TBC1D5: variants seen among roughly 807,000 people sequenced by gnomAD.
TBC1D5 encodes the protein TBC1 domain family member 5, also known as TBC1 domain family, member 5.
TBC1D5 carries 75 observed loss-of-function variants against 100.3 expected under a neutral mutation model. The observed-to-expected ratio is 0.75, with a 90% CI of 0.62 to 0.91. The LOEUF is 0.91. Among genes scored for constraint, TBC1D5 ranks in the 40% least tolerant of loss-of-function variants. The probability of loss-of-function intolerance (pLI) is 0.00; values close to 1 mark genes in which losing one functional copy is unlikely to be tolerated. For synonymous variants in TBC1D5, 323 were observed against 325.6 expected (o/e 0.99, Z 0.09); for missense variants, 910 against 942.4 (o/e 0.97, Z 0.45).
At chr3:17,455,403 C>CAT (rs141847204) in intron 3 of TBC1D5, among the ~76,000 whole-genome samples, 10,950 of 144,098 alleles carry the variant, frequency 0.076, 842 homozygotes, top group African/African-American at 0.2. Flanking sequence ...TATACACACA[C>CAT]GTGTGTGTAT....
rs1043923133 is a variant in TBC1D5 at position 17,512,283 on chromosome 3, T to G, written c.-35-3678A>C. 5.3e-5 allele frequency among the ~76,000 whole-genome samples: 8 copies of G among 152,196 alleles called. No homozygotes were observed. The South Asian group carries it at 1.7e-3, about 32-fold the overall frequency. ...ATGAATAAATTTTTACCTGCAAATA[T>G]CAAACTATAAAAAATTAAGAGATTT... On this transcript the variant is annotated intron_variant, in intron 2 of 21. Transcript: ENST00000253692.
intron 2 of TBC1D5, among the ~76,000 whole-genome samples, chr3:17,545,638 T>C (rs933616080): frequency 1.4e-4 from 22 of 152,224 alleles, no homozygotes; most frequent in Non-Finnish European, 3.1e-4. Flanking sequence ...ACATGAATAT[T>C]CATTAGCCAC....
At chr3:17,380,313 A>G (rs926016077) in intron 9 of TBC1D5, among the ~76,000 whole-genome samples, 18 of 152,090 alleles carry the variant, frequency 1.2e-4, no homozygotes, top group African/African-American at 4.3e-4. Flanking sequence ...ACTATTTTAC[A>G]AGCTCAGTTT....
intron 1 of TBC1D5, among the ~76,000 whole-genome samples, chr3:17,710,329 C>T (rs1297903599): frequency 6.6e-6 from 1 of 151,980 alleles, no homozygotes; most frequent in African/African-American, 2.4e-5. Context: ...TTTTGGTTGG[C>T]GGAGGTGGGT....
At chr3:17,483,166 A>G (rs2095520326) in intron 3 of TBC1D5, among the ~76,000 whole-genome samples, 1 of 152,104 alleles carries the variant, frequency 6.6e-6, no homozygotes, top group African/African-American at 2.4e-5. Flanking sequence ...TAAGAACAGC[A>G]CCCCTCAGGC....
chr3:17,386,868 C>A lies in TBC1D5; in HGVS notation c.510-2853G>T, dbSNP rs998399303. Among the ~76,000 whole-genome samples the A allele has an allele frequency of 2.6e-5, 4 of 152,042 alleles. No individual in the cohort carries two copies. The East Asian group carries it at 7.7e-4, about 29-fold the overall frequency. ...ATTCCTGGTTTCATTTAAATGCATA[C>A]CAACCACTTTCAAGATTAAAAACTA... On this transcript the variant is annotated intron_variant, in intron 8 of 21. Coordinates refer to ENST00000253692, the Ensembl canonical transcript of TBC1D5.
At chr3:17,475,815 T>C (rs1021177096) in intron 3 of TBC1D5, among the ~76,000 whole-genome samples, 3 of 152,102 alleles carry the variant, frequency 2.0e-5, no homozygotes, top group Non-Finnish European at 2.9e-5. Context: ...TATGGTCATA[T>C]TCAATTTTCT....
intron 16 of TBC1D5, among the ~76,000 whole-genome samples, chr3:17,251,436 C>CCG (rs1553635367): frequency 6.9e-6 from 1 of 144,014 alleles, no homozygotes; most frequent in East Asian, 2.1e-4. Context: ...CCCCCCCCCC[C>CCG]CCAGTAGAAG....
At chr3:17,537,053 G>A (rs2096289258) in intron 2 of TBC1D5, among the ~76,000 whole-genome samples, 1 of 152,174 alleles carries the variant, frequency 6.6e-6, no homozygotes, top group African/African-American at 2.4e-5. Flanking sequence ...TAGTAATGGA[G>A]TTTCCCCTTA....
At chr3:17,445,872 A>G (rs988746247) in intron 3 of TBC1D5, among the ~76,000 whole-genome samples, 8 of 152,198 alleles carry the variant, frequency 5.3e-5, no homozygotes, top group Non-Finnish European at 8.8e-5. Flanking sequence ...TACTATACTT[A>G]TACAGTTGAG....
At chr3:17,168,997 CA>C (rs2066914363) in intron 19 of TBC1D5, among the ~76,000 whole-genome samples, 1 of 152,164 alleles carries the variant, frequency 6.6e-6, no homozygotes, top group Admixed American at 6.5e-5. Context: ...GCTCTTGCTC[CA>C]AATCTATGCA....
In TBC1D5 at chr3:17,372,632, T is replaced by A. The variant is rs188821742; in HGVS notation, c.823-385A>T. Among the ~76,000 whole-genome samples the A allele has an allele frequency of 8.5e-5, 13 of 152,232 alleles. No individual in the cohort carries two copies. In the East Asian group the frequency reaches 2.3e-3, roughly 27 times the overall value. On this transcript the variant is annotated intron_variant, in intron 12 of 21. Coordinates refer to ENST00000253692, the Ensembl canonical transcript of TBC1D5. ...TAACCCTCACAGTTTAGTCACTGAG[T>A]TTCTCACCTAGCGTGACTCAGTTAT...
At chr3:17,541,902 C>T (rs2096361415) in intron 2 of TBC1D5, among the ~76,000 whole-genome samples, 1 of 152,204 alleles carries the variant, frequency 6.6e-6, no homozygotes, top group African/African-American at 2.4e-5. Flanking sequence ...CCTACACACA[C>T]TATGGTTTTT....
intron 2 of TBC1D5, among the ~76,000 whole-genome samples, chr3:17,607,019 G>GAT (rs776422854): frequency 1.0e-3 from 154 of 152,204 alleles, no homozygotes; most frequent in Non-Finnish European, 8.1e-4. Flanking sequence ...AAACTAACCA[G>GAT]ATATATATAT....
At chr3:17,433,383 G>A (rs1385925073) in intron 3 of TBC1D5, among the ~76,000 whole-genome samples, 1 of 152,166 alleles carries the variant, frequency 6.6e-6, no homozygotes, top group Non-Finnish European at 1.5e-5. Context: ...GAAGGCCTCA[G>A]GAAACTTACA....
intron 4 of TBC1D5, among the ~76,000 whole-genome samples, chr3:17,416,010 G>A (rs1176489890): frequency 6.6e-6 from 1 of 152,156 alleles, no homozygotes; most frequent in East Asian, 1.9e-4. Flanking sequence ...TTACTTTCCA[G>A]TTATTTATAA....
chr3:17,525,808 C>G (rs986332263), intron 2 of TBC1D5, among the ~76,000 whole-genome samples: 1 of 144,406 alleles, frequency 6.9e-6, no homozygotes, highest in African/African-American at 2.8e-5. Context: ...TCAAGAAATC[C>G]TCTCCCAACC....
rs373660048 is a variant in TBC1D5, at chr3:17,572,804, TC to T, written c.-36+51044del. On this transcript the variant is annotated intron_variant, in intron 2 of 21. Coordinates refer to ENST00000253692, the Ensembl canonical transcript of TBC1D5. Reference sequence around the variant, plus strand: ...GGCATATCATTATTCACTGTTTCCTTCCTTCATCTCTTGGACAAGTTTCTCT... The same window carrying T: ...GGCATATCATTATTCACTGTTTCCTTCTTCATCTCTTGGACAAGTTTCTCT... 1.0e-3 allele frequency among the ~76,000 whole-genome samples: 155 copies of T among 152,188 alleles called. 2 individuals carry two copies. The South Asian group carries it at 0.018, about 18-fold the overall frequency.
intron 1 of TBC1D5, among the ~76,000 whole-genome samples, chr3:17,624,942 T>A (rs141637278): frequency 2.4e-4 from 36 of 152,276 alleles, no homozygotes; most frequent in Non-Finnish European, 4.7e-4. Context: ...TAAACAAATA[T>A]ACTCTTAATA....
Sources: allele counts gnomAD v4.1 joint callset (sites outside exome capture counted in the v4.1 genomes callset), GRCh38; gene constraint gnomAD v4.1.1; transcripts MANE v1.5; gene names NCBI Gene and HGNC (gene_info 2026-07-23, HGNC 2026-07-21).